The following FAM178B variants were observed in gnomAD, a reference collection of about 807,000 sequenced individuals.
FAM178B encodes the protein family with sequence similarity 178 member B, also known as protein FAM178B.
A neutral mutation model predicts 91.7 loss-of-function variants in FAM178B; 82 were observed. The observed-to-expected ratio is 0.89, with a 90% CI of 0.75 to 1.07. FAM178B has a LOEUF of 1.07. FAM178B is among the 50% of genes least tolerant of loss of function. FAM178B has a pLI of 0.00. For missense variants in FAM178B, 769 were observed against 846.7 expected, an observed-to-expected ratio of 0.91 and a Z score of 1.14; for synonymous variants, 368 against 359.4, an observed-to-expected ratio of 1.02 and a Z score of -0.27.
Position 96,980,529 on chromosome 2 carries a change from T to G in FAM178B, c.73+5712A>C, listed in dbSNP as rs1334681824. ...CCTCCTGCCTTAACTTAGCCTCTTGTGTAGCTACAACTACAGATTCATGCC... is the reference window on the plus strand; with the variant it reads ...CCTCCTGCCTTAACTTAGCCTCTTGGGTAGCTACAACTACAGATTCATGCC... On this transcript the variant is annotated intron_variant, in intron 1 of 16. Transcript: ENST00000490605. Among the ~76,000 whole-genome samples, 4 of 152,294 alleles carry G rather than the reference T, an allele frequency of 2.6e-5. No individual in the cohort carries two copies. The East Asian group carries it at 5.8e-4, about 22-fold the overall frequency.
intron 5 of FAM178B, among the ~76,000 whole-genome samples, chr2:96,964,072 C>T (rs1041584191): frequency 2.0e-5 from 3 of 151,962 alleles, no homozygotes. Context: ...CCCAGCTTCT[C>T]GGGAGGCTGA....
intron 12 of FAM178B, among the ~76,000 whole-genome samples, chr2:96,919,181 T>C (rs1239471600): frequency 6.6e-6 from 1 of 152,160 alleles, no homozygotes; most frequent in Non-Finnish European, 1.5e-5. Context: ...GGAAATACTA[T>C]GCAGCTGTGA....
intron 14 of FAM178B, among the ~76,000 whole-genome samples, chr2:96,879,911 C>G (rs1012327579): frequency 6.6e-6 from 1 of 152,218 alleles, no homozygotes; most frequent in Non-Finnish European, 1.5e-5. Context: ...CTCCCCTTCC[C>G]TCCAACCTGG....
intron 6 of FAM178B, among the ~76,000 whole-genome samples, chr2:96,958,946 A>C (rs930948617): frequency 6.6e-6 from 1 of 151,934 alleles, no homozygotes; most frequent in Admixed American, 6.6e-5. Flanking sequence ...CATGCCTGTA[A>C]TCCCAGCACT....
chr2:96,947,920 AC>A lies in FAM178B; in HGVS notation c.994-19del, dbSNP rs201753315. On this transcript the variant is annotated intron_variant, in intron 7 of 16. Coordinates refer to ENST00000490605, the MANE Select transcript of FAM178B (RefSeq NM_001122646.3). The stretch of plus-strand genomic sequence containing the variant: ...GTCAGCAGCTAGGTGGAAAAAAAAA[AC>A]AAAAACAAAAACCTGGTGAGCTGGG... 5.0e-3 allele frequency: 6,955 copies of A among 1,381,060 alleles called. 183 individuals carry two copies. In the African/African-American group the frequency reaches 0.069, roughly 14 times the overall value. 85.6% of individuals were successfully genotyped at this position (1,381,060 alleles called of 1,614,324 possible). A position where few individuals can be genotyped will look rare whatever the true frequency, so the allele number is the denominator to read the frequency against.
intron 4 of FAM178B, among the ~76,000 whole-genome samples, chr2:96,969,899 G>C (rs1428527946): frequency 6.6e-6 from 1 of 152,252 alleles, no homozygotes; most frequent in African/African-American, 2.4e-5. Flanking sequence ...ACTTTGAGGA[G>C]GGTGGAAAGA....
At position 96,929,268 on chromosome 2, in the gene FAM178B, G is replaced by A. The variant is rs1364245901; in HGVS notation, c.1131C>T (p.Phe377=). 1 of 1,551,674 alleles carries A rather than the reference G, an allele frequency of 6.4e-7. No homozygotes were observed. Among genetic ancestry groups the A allele is most frequent in the South Asian group, 1.2e-5 (1 of 84,060 alleles). ...CPSLQEVREA[F]HSLGAHSPAL... Reference sequence around the variant, plus strand: ...CAGGACTGTGGGCACCCAGGCTGTGGAATGCCTCCCTGACTTCTTGCAGTG... The same window carrying A: ...CAGGACTGTGGGCACCCAGGCTGTGAAATGCCTCCCTGACTTCTTGCAGTG... Residue 377 remains phenylalanine (F), a synonymous_variant, in exon 9 of 17, where the codon TTC becomes TTT. Transcript: ENST00000490605.
intron 8 of FAM178B, among the ~76,000 whole-genome samples, chr2:96,942,408 T>C (rs1371033584): frequency 2.0e-5 from 3 of 152,226 alleles, no homozygotes; most frequent in Non-Finnish European, 2.9e-5. Context: ...AACAATTTTT[T>C]TTCAGACGGA....
chr2:96,904,370 T>G (rs898840334), intron 12 of FAM178B, among the ~76,000 whole-genome samples: 10 of 151,956 alleles, frequency 6.6e-5, no homozygotes, highest in African/African-American at 2.4e-4. Flanking sequence ...CATGGTCTCA[T>G]TTTTTGTTTT....
intron 12 of FAM178B, among the ~76,000 whole-genome samples, chr2:96,917,951 G>T (rs559693902): frequency 6.6e-6 from 1 of 152,168 alleles, no homozygotes; most frequent in East Asian, 1.9e-4. Context: ...TCATACCAAG[G>T]ACAAACAGAT....
Position 96,960,313 on chromosome 2 carries a change from T to C in FAM178B, c.862A>G (p.Ser288Gly), listed in dbSNP as rs989041541. 6.4e-7 allele frequency: 1 copy of C among 1,551,756 alleles called. No individual in the cohort carries two copies. The highest frequency in any genetic ancestry group is 1.4e-5 in the African/African-American group (1 of 73,178). The change falls in exon 6 of 17, where the codon AGC becomes GGC. Residue 288 changes from serine to glycine, a missense_variant. Coordinates refer to ENST00000490605, the MANE Select transcript of FAM178B (RefSeq NM_001122646.3). ...ILDSSLLKPR[S>G]HLEGLFLSSP... ...CTGAGGAACAGCCCTTCCAGGTGGCTGCGTGGCTTCAGGAGTGAGGAGTCC... is the reference window on the plus strand; with the variant it reads ...CTGAGGAACAGCCCTTCCAGGTGGCCGCGTGGCTTCAGGAGTGAGGAGTCC...
intron 14 of FAM178B, among the ~76,000 whole-genome samples, chr2:96,882,113 G>A (rs1293436034): frequency 6.6e-6 from 1 of 152,178 alleles, no homozygotes; most frequent in African/African-American, 2.4e-5. Context: ...CATTTCCCCA[G>A]GACTCTTGGT....
chr2:96,933,920 T>TA (rs1335494524), intron 8 of FAM178B, among the ~76,000 whole-genome samples: 3 of 152,208 alleles, frequency 2.0e-5, no homozygotes, highest in African/African-American at 7.2e-5. Context: ...ACGGGAGGCT[T>TA]AAAATCCAAT....
chr2:96,887,602 C>T (rs2080559955), intron 14 of FAM178B, among the ~76,000 whole-genome samples: 1 of 152,192 alleles, frequency 6.6e-6, no homozygotes, highest in Admixed American at 6.5e-5. Flanking sequence ...AGCATCACTG[C>T]TTGGATTCAA....
chr2:96,954,597 G>A (rs2081972252), intron 6 of FAM178B, among the ~76,000 whole-genome samples: 1 of 152,222 alleles, frequency 6.6e-6, no homozygotes, highest in Non-Finnish European at 1.5e-5. Flanking sequence ...CCCAAGTGAT[G>A]GCCGAAGGAT....
At chr2:96,949,590 A>T (rs1409582861) in intron 7 of FAM178B, among the ~76,000 whole-genome samples, 1 of 152,094 alleles carries the variant, frequency 6.6e-6, no homozygotes. Context: ...TGCAGAAGGG[A>T]GCCCCCATGG....
chr2:96,959,645 C>T (rs533425133), intron 6 of FAM178B, among the ~76,000 whole-genome samples: 2 of 152,308 alleles, frequency 1.3e-5, no homozygotes, highest in South Asian at 2.1e-4. Context: ...ACCCAGCAGA[C>T]GCCGCTGCAC....
At chr2:96,955,195 G>T (rs146250916) in intron 6 of FAM178B, among the ~76,000 whole-genome samples, 1 of 152,032 alleles carries the variant, frequency 6.6e-6, no homozygotes, top group South Asian at 2.1e-4. Flanking sequence ...GTGAAACCCC[G>T]TCTCTACTAA....
At chr2:96,883,577 G>A (rs753877242) in intron 14 of FAM178B, among the ~76,000 whole-genome samples, 14 of 152,232 alleles carry the variant, frequency 9.2e-5, no homozygotes, top group Non-Finnish European at 1.9e-4. Context: ...GGACCCTGCG[G>A]GAGCAGGTCC....
Sources: allele counts gnomAD v4.1 joint callset (sites outside exome capture counted in the v4.1 genomes callset), GRCh38; gene constraint gnomAD v4.1.1; transcripts MANE v1.5; gene names NCBI Gene and HGNC (gene_info 2026-07-23, HGNC 2026-07-21).